ASTN1: variants seen among roughly 807,000 people sequenced by gnomAD.
ASTN1 encodes the protein astrotactin 1.
Under a neutral mutation model 140.7 loss-of-function variants are expected in ASTN1, and 41 were observed. The observed-to-expected ratio is 0.29, with a 90% CI of 0.23 to 0.38. The LOEUF is 0.38. Ranked by LOEUF, ASTN1 falls within the 10% of genes least tolerant of loss-of-function variation. The pLI, the probability that ASTN1 is intolerant of heterozygous loss-of-function variation, is 1.00. For synonymous variants in ASTN1, 640 were observed against 652.2 expected (o/e 0.98, Z 0.29); for missense variants, 1,479 against 1,678.8 (o/e 0.88, Z 2.08).
downstream of ASTN1, chr1:176,857,558 G>T: frequency 1.9e-6 from 1 of 522,618 alleles, no homozygotes; most frequent in East Asian, 3.4e-5. Context: ...GATGCCATCT[G>T]AGGCAGGGAG....
chr1:177,058,994 C>T (rs867279945), intron 2 of ASTN1, among the ~76,000 whole-genome samples: 1 of 152,160 alleles, frequency 6.6e-6, no homozygotes, highest in Non-Finnish European at 1.5e-5. Flanking sequence ...TGCCCCCAGC[C>T]CTCCCTAGAC....
At chr1:177,026,643 C>T (rs548393950) in intron 5 of ASTN1, among the ~76,000 whole-genome samples, 1 of 152,264 alleles carries the variant, frequency 6.6e-6, no homozygotes, top group African/African-American at 2.4e-5. Context: ...ACAAGGGTTC[C>T]CTTTTCTCCA....
At chr1:176,892,538 C>G (rs926254028) in intron 17 of ASTN1, among the ~76,000 whole-genome samples, 1 of 152,116 alleles carries the variant, frequency 6.6e-6, no homozygotes, top group Non-Finnish European at 1.5e-5. Flanking sequence ...TGAGTTTGTG[C>G]TGGAAGATGA....
intron 16 of ASTN1, among the ~76,000 whole-genome samples, chr1:176,902,031 G>T (rs1485272863): frequency 5.9e-5 from 9 of 152,158 alleles, no homozygotes; most frequent in Non-Finnish European, 1.3e-4. Flanking sequence ...ATCATGCCCT[G>T]CAGCCGGTCC....
At chr1:177,094,517 A>T (rs1176648790) in intron 1 of ASTN1, among the ~76,000 whole-genome samples, 6 of 152,208 alleles carry the variant, frequency 3.9e-5, no homozygotes, top group African/African-American at 1.4e-4. Flanking sequence ...ACACAGTGAG[A>T]AGCCACCATC....
intron 1 of ASTN1, among the ~76,000 whole-genome samples, chr1:177,116,538 G>C (rs565009645): frequency 1.3e-5 from 2 of 151,924 alleles, no homozygotes; most frequent in African/African-American, 2.4e-5. Context: ...TCCCCTGAAG[G>C]TACCTCCTCC....
At chr1:177,034,278 CA>C (rs1676601345) in intron 2 of ASTN1, among the ~76,000 whole-genome samples, 1 of 151,316 alleles carries the variant, frequency 6.6e-6, no homozygotes, top group Non-Finnish European at 1.5e-5. Flanking sequence ...CACACACACA[CA>C]CACACTGCCA....
chr1:177,037,971 T>C (rs1676805928), intron 2 of ASTN1, among the ~76,000 whole-genome samples: 1 of 152,256 alleles, frequency 6.6e-6, no homozygotes, highest in South Asian at 2.1e-4. Flanking sequence ...AAGAGAATAG[T>C]ATGAGATTTG....
intron 14 of ASTN1, among the ~76,000 whole-genome samples, chr1:176,943,436 A>G (rs1322162954): frequency 6.6e-6 from 1 of 152,176 alleles, no homozygotes; most frequent in Non-Finnish European, 1.5e-5. Flanking sequence ...AGTAGCAGAG[A>G]TGCAAACCCA....
At chr1:176,876,115 C>T (rs1668547104) in intron 21 of ASTN1, among the ~76,000 whole-genome samples, 1 of 152,152 alleles carries the variant, frequency 6.6e-6, no homozygotes, top group South Asian at 2.1e-4. Context: ...GAGGATTTAG[C>T]AATTAACTGC....
Position 176,949,286 on chromosome 1 carries a change from G to A in ASTN1, c.1953C>T (p.Asp651=). 6.2e-7 allele frequency: 1 copy of A among 1,614,140 alleles called. No homozygotes were observed. The highest frequency in any genetic ancestry group is 1.1e-5 in the South Asian group (1 of 91,092). The change falls in exon 12 of 23, where the codon GAC becomes GAT. Residue 651 remains aspartate (D), a synonymous_variant. Coordinates refer to ENST00000361833, the MANE Select transcript of ASTN1 (RefSeq NM_004319.3). ...AGCCGCCGTTGAAGCCGTCGGAACAGTCCACCCCGATGTGGCGGTCATAGC... is the reference window on the plus strand; with the variant it reads ...AGCCGCCGTTGAAGCCGTCGGAACAATCCACCCCGATGTGGCGGTCATAGC... The part of the protein sequence containing the change: ...SGCYDRHIGV[D]CSDGFNGGCE...
At chr1:176,968,163 T>C (rs1467711424) in intron 8 of ASTN1, among the ~76,000 whole-genome samples, 4 of 152,246 alleles carry the variant, frequency 2.6e-5, no homozygotes, top group African/African-American at 7.2e-5. Context: ...TGGTAATAAC[T>C]GTATTTATTT....
intron 1 of ASTN1, among the ~76,000 whole-genome samples, chr1:177,104,879 A>C (rs1296501070): frequency 6.6e-6 from 1 of 152,218 alleles, no homozygotes; most frequent in Non-Finnish European, 1.5e-5. Flanking sequence ...CAACTGTGAA[A>C]TCACAGTCCT....
intron 1 of ASTN1, among the ~76,000 whole-genome samples, chr1:177,079,740 A>C (rs1228052850): frequency 6.6e-6 from 1 of 152,066 alleles, no homozygotes; most frequent in East Asian, 1.9e-4. Context: ...ACAGATGCCC[A>C]ATTCCTTCAC....
At chr1:176,993,101 G>A (rs925083847) in intron 8 of ASTN1, among the ~76,000 whole-genome samples, 1 of 152,198 alleles carries the variant, frequency 6.6e-6, no homozygotes, top group African/African-American at 2.4e-5. Context: ...AGCAGTGCTA[G>A]TGCCCTGATC....
At chr1:176,950,188 C>T (rs900535935) in intron 11 of ASTN1, among the ~76,000 whole-genome samples, 13 of 152,296 alleles carry the variant, frequency 8.5e-5, no homozygotes, top group South Asian at 6.2e-4. Flanking sequence ...TATTATATGC[C>T]AGGCCGTGGT....
At chr1:177,034,585 G>C (rs765165213) in intron 2 of ASTN1, among the ~76,000 whole-genome samples, 2 of 152,026 alleles carry the variant, frequency 1.3e-5, no homozygotes, top group Non-Finnish European at 2.9e-5. Flanking sequence ...CACACACACA[G>C]AGCTCCTGGG....
At chr1:177,063,845 A>T (rs1052785266) in intron 1 of ASTN1, among the ~76,000 whole-genome samples, 1 of 152,140 alleles carries the variant, frequency 6.6e-6, no homozygotes, top group Non-Finnish European at 1.5e-5. Flanking sequence ...TGATGACGGA[A>T]TTAAATCACC....
At chr1:177,053,847 G>T (rs1241079363) in intron 2 of ASTN1, among the ~76,000 whole-genome samples, 1 of 152,176 alleles carries the variant, frequency 6.6e-6, no homozygotes, top group Non-Finnish European at 1.5e-5. Flanking sequence ...AGGTTAGCAG[G>T]TGGGATTAGC....
Sources: gnomAD v4.1 joint callset for allele counts (sites outside exome capture counted in the v4.1 genomes callset) on GRCh38, gnomAD v4.1.1 for gene constraint, MANE v1.5 for transcripts, NCBI Gene and HGNC (gene_info 2026-07-23, HGNC 2026-07-21) for gene names.